MYO6: variants seen among roughly 807,000 people sequenced by gnomAD.
MYO6 encodes unconventional myosin-VI.
A neutral mutation model predicts 178.7 loss-of-function variants in MYO6; 74 were observed. That is an observed-to-expected ratio of 0.41 (90% CI 0.34 to 0.50). MYO6 has a LOEUF of 0.50. Ranked by LOEUF, MYO6 falls within the 20% of genes least tolerant of loss-of-function variation. The pLI, the probability that MYO6 is intolerant of heterozygous loss-of-function variation, is 0.09. For missense variants in MYO6, 1,330 were observed against 1,547.4 expected, an observed-to-expected ratio of 0.86 and a Z score of 2.36; for synonymous variants, 477 against 504.6, an observed-to-expected ratio of 0.95 and a Z score of 0.73.
At chr6:75,805,039 T>TTTTTTTTTTTTTTG (rs1769925888) in intron 1 of MYO6, among the ~76,000 whole-genome samples, 1 of 138,356 alleles carries the variant, frequency 7.2e-6, no homozygotes. Context: ...TTTTTTTTTT[T>TTTTTTTTTTTTTTG]TTGAGACAGA....
intron 1 of MYO6, among the ~76,000 whole-genome samples, chr6:75,769,513 C>G (rs575364795): frequency 1.3e-5 from 2 of 152,338 alleles, no homozygotes; most frequent in Admixed American, 1.3e-4. Context: ...AAAATAATCC[C>G]CTTTGACTCT....
intron 1 of MYO6, among the ~76,000 whole-genome samples, chr6:75,784,352 GA>G (rs1054544129): frequency 4.1e-5 from 6 of 147,312 alleles, no homozygotes; most frequent in East Asian, 2.0e-4. Flanking sequence ...AGGGAAGTTT[GA>G]AAAAAAAAAT....
intron 32 of MYO6, among the ~76,000 whole-genome samples, chr6:75,910,105 C>T (rs1303354442): frequency 6.6e-6 from 1 of 152,122 alleles, no homozygotes; most frequent in Admixed American, 6.6e-5. Context: ...TGACACTGCT[C>T]TCTTCTCCAG....
chr6:75,837,232 A>C (rs1773729782), intron 7 of MYO6, among the ~76,000 whole-genome samples: 1 of 152,364 alleles, frequency 6.6e-6, no homozygotes, highest in Admixed American at 6.5e-5. Flanking sequence ...TATGTAATTT[A>C]AATCTTCACA....
At chr6:75,782,362 T>C (rs545751838) in intron 1 of MYO6, among the ~76,000 whole-genome samples, 4 of 152,304 alleles carry the variant, frequency 2.6e-5, no homozygotes, top group African/African-American at 7.2e-5. Context: ...CTTACCCTTA[T>C]TATATTCAAG....
chr6:75,796,852 C>T (rs115268749), intron 1 of MYO6, among the ~76,000 whole-genome samples: 2,556 of 152,194 alleles, frequency 0.017, 70 homozygotes, highest in African/African-American at 0.059. Flanking sequence ...TTTTCTGTTC[C>T]TGTGTTAATT....
At chr6:75,758,210 A>C (rs1777635515) in intron 1 of MYO6, among the ~76,000 whole-genome samples, 1 of 151,786 alleles carries the variant, frequency 6.6e-6, no homozygotes, top group African/African-American at 2.4e-5. Context: ...ATTTATGTGC[A>C]AACTGGAATT....
chr6:75,806,170 C>A (rs1770064842), intron 1 of MYO6, among the ~76,000 whole-genome samples: 1 of 151,800 alleles, frequency 6.6e-6, no homozygotes, highest in Admixed American at 6.6e-5. Context: ...GCACTAGATA[C>A]AAAGTAATAC....
chr6:75,918,263 G>A lies in MYO6; in HGVS notation c.*3251G>A, dbSNP rs1250206472. The A allele has an allele frequency of 6.6e-6, 1 of 152,084 alleles. No individual in the cohort carries two copies. Among genetic ancestry groups the A allele is most frequent in the African/African-American group, 2.4e-5 (1 of 41,404 alleles). 9.4% of individuals were successfully genotyped at this position (152,084 alleles called of 1,614,324 possible). The stretch of plus-strand genomic sequence containing the variant: ...AAGATAAACTAACAAGGATGGAAGG[G>A]GAGGGCAAAGGATATCTAAACATGA... On this transcript the variant is annotated 3_prime_UTR_variant, in exon 35 of 35. Coordinates refer to ENST00000369977, the MANE Select transcript of MYO6 (RefSeq NM_004999.4).
At chr6:75,759,879 C>T (rs1432160869) in intron 1 of MYO6, among the ~76,000 whole-genome samples, 2 of 152,138 alleles carry the variant, frequency 1.3e-5, no homozygotes, top group African/African-American at 4.8e-5. Flanking sequence ...GGTCTGTTAA[C>T]ACAAAGCACT....
chr6:75,914,259 G>A lies in MYO6; in HGVS notation c.3636G>A (p.Lys1212=). Reference sequence around the variant, plus strand: ...GGCAAATGGAACTCCATCCTGACAAGCCACCCATCCTACTTGTGGCTGGTG... The same window carrying A: ...GGCAAATGGAACTCCATCCTGACAAACCACCCATCCTACTTGTGGCTGGTG... ...IARQMELHPD[K]PPILLVAGKD... is the part of the protein sequence containing the mutation. The change falls in exon 34 of 35, where the codon AAG becomes AAA. Residue 1212 remains lysine, a synonymous_variant. Transcript: ENST00000369977. 6.2e-7 allele frequency: 1 copy of A among 1,614,158 alleles called. No individual in the cohort carries two copies. Among genetic ancestry groups the A allele is most frequent in the South Asian group, 1.1e-5 (1 of 91,088 alleles).
chr6:75,787,105 G>A (rs941387520), intron 1 of MYO6, among the ~76,000 whole-genome samples: 1 of 152,160 alleles, frequency 6.6e-6, no homozygotes, highest in African/African-American at 2.4e-5. Context: ...ATTTTGTAAA[G>A]ATGCCTATGC....
Position 75,900,531 on chromosome 6 carries a change from C to G in MYO6, c.3176+2120C>G, listed in dbSNP as rs887732005. 7.2e-5 allele frequency among the ~76,000 whole-genome samples: 11 copies of G among 152,210 alleles called. No homozygotes were observed. In the East Asian group the frequency reaches 1.9e-3, roughly 27 times the overall value. ...ATGTTTTTTTTGGCTGCATAAATGT[C>G]TTCTTTTGAGAAGTGTCTGTTCATG... On this transcript the variant is annotated intron_variant, in intron 30 of 34. Coordinates refer to ENST00000369977, the MANE Select transcript of MYO6 (RefSeq NM_004999.4).
chr6:75,822,732 C>T (rs1354084013), intron 2 of MYO6, 50 bp from the exon 3 acceptor site: 3 of 1,453,236 alleles, frequency 2.1e-6, no homozygotes, highest in Non-Finnish European at 2.9e-6. Context: ...TTCTATTGTT[C>T]TTACTATTTA....
intron 4 of MYO6, among the ~76,000 whole-genome samples, chr6:75,828,931 T>C (rs1189671304): frequency 6.6e-6 from 1 of 152,166 alleles, no homozygotes; most frequent in Non-Finnish European, 1.5e-5. Context: ...TAATGGTTTT[T>C]GGTTTTGATT....
chr6:75,822,006 A>G (rs1465361012), intron 2 of MYO6, among the ~76,000 whole-genome samples: 2 of 151,248 alleles, frequency 1.3e-5, no homozygotes, highest in Non-Finnish European at 2.9e-5. Flanking sequence ...TGTCAAATAT[A>G]TTTTACTGAA....
intron 29 of MYO6, among the ~76,000 whole-genome samples, chr6:75,895,834 T>A (rs1435014825): frequency 6.6e-6 from 1 of 152,080 alleles, no homozygotes; most frequent in Non-Finnish European, 1.5e-5. Flanking sequence ...GTATTTTTTT[T>A]AAACTGCCCC....
Position 75,840,688 on chromosome 6 carries a change from T to C in MYO6, c.651+6T>C, listed in dbSNP as rs747250541. On this transcript the variant is annotated splice_donor_region_variant and intron_variant, in intron 8 of 34. Transcript: ENST00000369977. ...AAATACATTTTAATGAAAAGGTAAGTGAGAGTAAGCTTTGGAATGATATTT... is the reference window on the plus strand; with the variant it reads ...AAATACATTTTAATGAAAAGGTAAGCGAGAGTAAGCTTTGGAATGATATTT... The C allele has an allele frequency of 1.5e-5, 24 of 1,591,950 alleles. No individual in the cohort carries two copies. The highest frequency in any genetic ancestry group is 2.0e-5 in the Non-Finnish European group (23 of 1,160,214).
intron 1 of MYO6, among the ~76,000 whole-genome samples, chr6:75,764,673 C>T (rs377194391): frequency 6.6e-5 from 10 of 151,882 alleles, no homozygotes; most frequent in African/African-American, 2.2e-4. Flanking sequence ...CTGAAGACTG[C>T]GTATTTTGTT....
Sources: allele counts gnomAD v4.1 joint callset (sites outside exome capture counted in the v4.1 genomes callset), GRCh38; gene constraint gnomAD v4.1.1; transcripts MANE v1.5; gene names NCBI Gene and HGNC (gene_info 2026-07-23, HGNC 2026-07-21).